OSBPL10: variants seen among roughly 807,000 people sequenced by gnomAD.
OSBPL10 encodes the protein oxysterol binding protein like 10.
OSBPL10 carries 49 observed loss-of-function variants against 81.7 expected under a neutral mutation model. The ratio of observed to expected loss-of-function variants is 0.60; its 90% CI spans 0.48 to 0.76. The LOEUF is 0.76. OSBPL10 is among the 30% of genes least tolerant of loss of function. OSBPL10 has a pLI of 0.00. For synonymous variants in OSBPL10, 419 were observed against 383.6 expected, an observed-to-expected ratio of 1.09 and a Z score of -1.08; for missense variants, 923 against 987.8, an observed-to-expected ratio of 0.93 and a Z score of 0.88.
chr3:31,721,128 G>A (rs568474924), intron 6 of OSBPL10, among the ~76,000 whole-genome samples: 136 of 152,278 alleles, frequency 8.9e-4, no homozygotes, highest in Middle Eastern at 3.4e-3. Flanking sequence ...GGTCAATGCT[G>A]TTGGCTCTGA....
intron 4 of OSBPL10, among the ~76,000 whole-genome samples, chr3:31,799,796 C>A (rs1699332210): frequency 6.6e-6 from 1 of 152,246 alleles, no homozygotes; most frequent in South Asian, 2.1e-4. Flanking sequence ...ATGAGATCAA[C>A]CCTCTTAACA....
At chr3:31,910,684 A>G (rs1696550302) in intron 1 of OSBPL10, among the ~76,000 whole-genome samples, 1 of 152,116 alleles carries the variant, frequency 6.6e-6, no homozygotes, top group Non-Finnish European at 1.5e-5. Context: ...CTGGGAAGCC[A>G]GAGAGTCTCC....
chr3:31,705,067 T>C (rs2125599448), intron 6 of OSBPL10: 1 of 152,398 alleles, frequency 6.6e-6, no homozygotes, highest in South Asian at 2.1e-4. Context: ...CCGGGATGAC[T>C]GGTGGCCCTG....
At chr3:31,967,535 T>C (rs1272276415) in intron 1 of OSBPL10, among the ~76,000 whole-genome samples, 4 of 152,202 alleles carry the variant, frequency 2.6e-5, no homozygotes, top group Non-Finnish European at 5.9e-5. Context: ...AATTTTCCTA[T>C]GTTGGAGTAA....
chr3:31,744,995 T>C (rs1368006632), intron 5 of OSBPL10, among the ~76,000 whole-genome samples: 1 of 152,216 alleles, frequency 6.6e-6, no homozygotes, highest in Non-Finnish European at 1.5e-5. Context: ...ACTCCGAATT[T>C]GTGCCCAGTC....
At chr3:31,709,027 C>T (rs1039432454) in intron 6 of OSBPL10, 11 of 985,354 alleles carry the variant, frequency 1.1e-5, no homozygotes, top group African/African-American at 7.0e-5. Context: ...CAAAGGCCAC[C>T]GGCGAATTTA....
chr3:31,790,584 T>C (rs546313431), intron 4 of OSBPL10, among the ~76,000 whole-genome samples: 7 of 152,338 alleles, frequency 4.6e-5, no homozygotes, highest in East Asian at 1.9e-4. Context: ...GGCCATCTGA[T>C]AGATCTTGGG....
In OSBPL10 at chr3:32,021,978, C is replaced by CA. The variant is rs1416049494; in HGVS notation, n.298+24512_298+24513insT. On this transcript the variant is annotated intron_variant and non_coding_transcript_variant, in intron 2 of 3. Transcript: ENST00000479173. ...CTGGGCAACAGGAGATAATCTGTCT[C>CA]GAAAAAAAAAAAAGTAAAACAAAAT... is the stretch of plus-strand genomic sequence containing the variant. Among the ~76,000 whole-genome samples, 11 of 14,818 alleles carry CA rather than the reference C, an allele frequency of 7.4e-4. 1 individual carries two copies. Among genetic ancestry groups the CA allele is most frequent in the Admixed American group, 2.4e-3 (2 of 822 alleles). 9.7% of individuals were successfully genotyped at this position (14,818 alleles called of 152,430 possible).
chr3:32,044,172 G>T (rs113618154), intron 2 of OSBPL10, among the ~76,000 whole-genome samples: 132 of 152,094 alleles, frequency 8.7e-4, no homozygotes, highest in African/African-American at 3.1e-3. Flanking sequence ...GTGGTCTTCT[G>T]CAATGTTATA....
intron 7 of OSBPL10, among the ~76,000 whole-genome samples, chr3:31,697,013 T>G (rs1695740726): frequency 6.6e-6 from 1 of 152,234 alleles, no homozygotes; most frequent in Admixed American, 6.5e-5. Flanking sequence ...CACTGATGAC[T>G]TCCAATGAAC....
intron 4 of OSBPL10, among the ~76,000 whole-genome samples, chr3:31,759,726 A>G (rs1697978017): frequency 6.6e-6 from 1 of 152,182 alleles, no homozygotes. Flanking sequence ...TATTCTTACA[A>G]CAAAGCAAGA....
chr3:31,672,367 G>GC (rs1295722075), intron 8 of OSBPL10, among the ~76,000 whole-genome samples: 4 of 120,692 alleles, frequency 3.3e-5, no homozygotes, highest in Non-Finnish European at 7.1e-5. Flanking sequence ...GGGGCGGGGG[G>GC]GGGGGCAGGA....
At chr3:32,006,784 C>T (rs13314142) in intron 2 of OSBPL10, among the ~76,000 whole-genome samples, 43,950 of 152,122 alleles carry the variant, frequency 0.29, 6,665 homozygotes, top group East Asian at 0.44. Context: ...TATTTACCCA[C>T]ACTTATGTAC....
intron 7 of OSBPL10, among the ~76,000 whole-genome samples, chr3:31,696,459 G>A (rs1027597430): frequency 1.3e-5 from 2 of 152,124 alleles, no homozygotes; most frequent in African/African-American, 4.8e-5. Flanking sequence ...ATTCTCCCTT[G>A]AATGCACTCC....
intron 4 of OSBPL10, among the ~76,000 whole-genome samples, chr3:31,769,280 T>TA (rs1342892710): frequency 6.6e-6 from 1 of 150,948 alleles, no homozygotes; most frequent in Non-Finnish European, 1.5e-5. Context: ...CCGTCTCTAC[T>TA]AAAAAACACA....
At chr3:31,864,223 A>G (rs1253412045) in intron 3 of OSBPL10, among the ~76,000 whole-genome samples, 16 of 152,082 alleles carry the variant, frequency 1.1e-4, no homozygotes, top group Admixed American at 7.9e-4. Flanking sequence ...ACAGAAGTAT[A>G]AGGGGCTTTC....
chr3:31,720,881 C>CAAAAAAAAAAAAAAAAAAAAAAAAA (rs61492992), intron 6 of OSBPL10, among the ~76,000 whole-genome samples: 1 of 66,312 alleles, frequency 1.5e-5, no homozygotes, highest in Admixed American at 1.7e-4. Flanking sequence ...GACTCTGTCT[C>CAAAAAAAAAAAAAAAAAAAAAAAAA]AAAAAAAAAA....
intron 6 of OSBPL10, among the ~76,000 whole-genome samples, chr3:31,720,366 T>C (rs759242775): frequency 1.6e-4 from 25 of 152,116 alleles, no homozygotes; most frequent in Non-Finnish European, 3.1e-4. Context: ...GGAGGGGCAA[T>C]GGCAGGGGCA....
At chr3:31,870,442 G>T (rs377129585) in intron 3 of OSBPL10, among the ~76,000 whole-genome samples, 2 of 152,192 alleles carry the variant, frequency 1.3e-5, no homozygotes, top group Non-Finnish European at 2.9e-5. Flanking sequence ...CCCGACGAGC[G>T]CCGCCCCCTA....
Sources: allele counts gnomAD v4.1 joint callset (sites outside exome capture counted in the v4.1 genomes callset), GRCh38; gene constraint gnomAD v4.1.1; transcripts MANE v1.5; gene names NCBI Gene and HGNC (gene_info 2026-07-23, HGNC 2026-07-21).